The following DMD variants were observed in gnomAD, a reference collection of about 807,000 sequenced individuals.
DMD encodes mutant dystrophin.
Under a neutral mutation model 330.1 loss-of-function variants are expected in DMD, and 63 were observed. That is an observed-to-expected ratio of 0.19 (90% CI 0.16 to 0.24). The LOEUF (loss-of-function observed/expected upper bound fraction) is 0.24, where lower values mean the gene tolerates loss of function less well. Among genes scored for constraint, DMD ranks in the 10% least tolerant of loss-of-function variants. DMD has a pLI of 1.00. For synonymous variants in DMD, 1,223 were observed against 959.8 expected, an observed-to-expected ratio of 1.27 and a Z score of -5.07; for missense variants, 3,344 against 2,684.1, an observed-to-expected ratio of 1.25 and a Z score of -5.43.
At chrX:32,463,041 T>C (rs2098389164) in intron 25 of DMD, among the ~76,000 whole-genome samples, 1 of 112,185 alleles carries the variant, frequency 8.9e-6, no homozygotes, top group African/African-American at 3.2e-5. Flanking sequence ...TTATTTATCC[T>C]ATTTCTACAT....
intron 50 of DMD, among the ~76,000 whole-genome samples, chrX:31,785,113 AAGG>A (rs1388060944): frequency 8.9e-6 from 1 of 112,386 alleles, no homozygotes; most frequent in African/African-American, 3.2e-5. Flanking sequence ...ACAAAAAAAG[AAGG>A]AAATCCTTTC....
chrX:32,111,635 G>A (rs1043656467), intron 44 of DMD, among the ~76,000 whole-genome samples: 7 of 111,353 alleles, frequency 6.3e-5, no homozygotes, highest in African/African-American at 2.3e-4. Context: ...TAAATTTAGA[G>A]CTTGCTACCA....
At chrX:31,694,671 A>C (rs2083343191) in intron 52 of DMD, among the ~76,000 whole-genome samples, 1 of 92,377 alleles carries the variant, frequency 1.1e-5, no homozygotes, top group African/African-American at 4.1e-5. Context: ...TATGTATAAT[A>C]CTCAACATCT....
At chrX:33,303,848 A>G (rs949429211) in intron 1 of DMD, among the ~76,000 whole-genome samples, 4 of 111,373 alleles carry the variant, frequency 3.6e-5, no homozygotes, top group African/African-American at 1.3e-4. Flanking sequence ...ATTATGCATT[A>G]TTGGGTATTT....
At chrX:31,918,888 T>G (rs1269682790) in intron 47 of DMD, among the ~76,000 whole-genome samples, 4 of 111,844 alleles carry the variant, frequency 3.6e-5, no homozygotes, top group African/African-American at 1.3e-4. Context: ...CTGCCCTCCT[T>G]GGCCTCCCAA....
intron 55 of DMD, among the ~76,000 whole-genome samples, chrX:31,597,582 G>T (rs2077165243): frequency 9.0e-6 from 1 of 111,502 alleles, no homozygotes; most frequent in Admixed American, 9.6e-5. Flanking sequence ...AAGCTTTTCT[G>T]GTTTTCCAAT....
At chrX:33,020,790 T>C (rs147754026) in intron 1 of DMD, among the ~76,000 whole-genome samples, 1,171 of 111,833 alleles carry the variant, frequency 0.01, 16 homozygotes, top group African/African-American at 0.034. Context: ...CAGTTATGAA[T>C]AGATACTCCA....
rs765491077 is a variant in DMD at position 31,230,465 on chromosome X, G to T, written c.9287-7344C>A. 3.6e-5 allele frequency among the ~76,000 whole-genome samples: 4 copies of T among 110,527 alleles called. No individual in the cohort carries two copies. In the East Asian group the frequency reaches 1.1e-3, roughly 31 times the overall value. ...AGTTCGAGAGCAGCCTGGCCAACAT[G>T]GTGAAACCCCGTCTCTATTAAAAAC... On this transcript the variant is annotated intron_variant, in intron 63 of 78. Transcript: ENST00000357033.
At chrX:32,114,681 T>C (rs1486408451) in intron 44 of DMD, among the ~76,000 whole-genome samples, 1 of 112,203 alleles carries the variant, frequency 8.9e-6, no homozygotes, top group Admixed American at 9.5e-5. Context: ...CTCTGATTCC[T>C]TCACAGATTT....
intron 11 of DMD, among the ~76,000 whole-genome samples, chrX:32,616,246 C>A (rs2057555254): frequency 1.8e-5 from 2 of 110,653 alleles, no homozygotes; most frequent in Non-Finnish European, 3.8e-5. Context: ...ACTCTTTCCC[C>A]CTCTTTTCAC....
intron 44 of DMD, among the ~76,000 whole-genome samples, chrX:32,201,983 G>A (rs5972506): frequency 0.044 from 4,868 of 111,628 alleles, 247 homozygotes; most frequent in African/African-American, 0.15. Context: ...ATCACTATAC[G>A]TATATCCTTT....
chrX:32,623,528 A>T (rs868044095), intron 11 of DMD, among the ~76,000 whole-genome samples: 15 of 92,192 alleles, frequency 1.6e-4, no homozygotes, highest in Non-Finnish European at 2.9e-4. Flanking sequence ...TAATACTAGT[A>T]TTTTTTTTTT....
At chrX:32,474,439 C>T (rs2041012463) in intron 21 of DMD, among the ~76,000 whole-genome samples, 1 of 111,864 alleles carries the variant, frequency 8.9e-6, no homozygotes, top group African/African-American at 3.3e-5. Flanking sequence ...AATCTCCACA[C>T]TCTTTTCCAT....
chrX:31,766,873 T>TG (rs2090027527), intron 51 of DMD, among the ~76,000 whole-genome samples: 3 of 101,052 alleles, frequency 3.0e-5, no homozygotes, highest in African/African-American at 1.1e-4. Context: ...AAATATGATT[T>TG]TGTGTGTGTG....
At chrX:31,811,374 G>T (rs748436802) in intron 50 of DMD, among the ~76,000 whole-genome samples, 2 of 112,199 alleles carry the variant, frequency 1.8e-5, no homozygotes, top group South Asian at 7.5e-4. Flanking sequence ...TCTGATGAGT[G>T]TGAGAAGTGC....
chrX:31,122,586 C>A (rs905559185), intron 78 of DMD, among the ~76,000 whole-genome samples: 52 of 111,224 alleles, frequency 4.7e-4, no homozygotes, highest in African/African-American at 1.5e-3. Flanking sequence ...CTTGAATTGA[C>A]CTTTTGGTGC....
intron 31 of DMD, 57 bp from the exon 32 acceptor site, chrX:32,389,731 G>T (rs2097987727): frequency 9.3e-7 from 1 of 1,069,787 alleles, no homozygotes. Flanking sequence ...ACAATAACTG[G>T]TCCTATTTTT....
intron 7 of DMD, among the ~76,000 whole-genome samples, chrX:32,711,949 T>C (rs2065228753): frequency 1.8e-5 from 2 of 112,158 alleles, no homozygotes; most frequent in Non-Finnish European, 3.8e-5. Flanking sequence ...AATTTCTTCA[T>C]TTCTTCATAC....
chrX:32,766,532 C>A (rs763497186), intron 7 of DMD, among the ~76,000 whole-genome samples: 9 of 110,935 alleles, frequency 8.1e-5, no homozygotes, highest in Non-Finnish European at 1.7e-4. Context: ...TAACTTATTT[C>A]TGTATATTGA....
Sources: gnomAD v4.1 joint callset for allele counts (sites outside exome capture counted in the v4.1 genomes callset) on GRCh38, gnomAD v4.1.1 for gene constraint, MANE v1.5 for transcripts, NCBI Gene and HGNC (gene_info 2026-07-23, HGNC 2026-07-21) for gene names.